Variants in FRZB observed in about 807,000 individuals in gnomAD.
FRZB encodes frizzled related protein.
FRZB carries 34 observed loss-of-function variants against 32.5 expected under a neutral mutation model. That is an observed-to-expected ratio of 1.05 (90% CI 0.80 to 1.39). The LOEUF (loss-of-function observed/expected upper bound fraction) is 1.39, where lower values mean the gene tolerates loss of function less well. Among genes scored for constraint, FRZB ranks in the 40% most tolerant of loss-of-function variants. The pLI is 0.00. For synonymous variants in FRZB, 170 were observed against 159.2 expected, an observed-to-expected ratio of 1.07 and a Z score of -0.51; for missense variants, 423 against 424.8, an observed-to-expected ratio of 1.00 and a Z score of 0.04.
At chr2:182,839,793 T>C (rs550225620) in intron 3 of FRZB, among the ~76,000 whole-genome samples, 51 of 152,156 alleles carry the variant, frequency 3.4e-4, no homozygotes, top group South Asian at 2.5e-3. Flanking sequence ...TCCATGGACA[T>C]TATATAGAGG....
At chr2:182,856,852 T>A in intron 2 of FRZB, among the ~76,000 whole-genome samples, 2 of 146,570 alleles carry the variant, frequency 1.4e-5, no homozygotes, top group Admixed American at 6.8e-5. Context: ...AATAGAAAAA[T>A]CCACAATATT....
chr2:182,861,782 G>C (rs565265122), intron 1 of FRZB, among the ~76,000 whole-genome samples: 1 of 152,266 alleles, frequency 6.6e-6, no homozygotes, highest in South Asian at 2.1e-4. Context: ...AGTCAGTTTT[G>C]CAATTTGTAG....
chr2:182,860,100 T>C (rs1695814544), intron 1 of FRZB, among the ~76,000 whole-genome samples: 1 of 152,186 alleles, frequency 6.6e-6, no homozygotes, highest in South Asian at 2.1e-4. Flanking sequence ...AATAAAACTT[T>C]GCTTGGTGAA....
chr2:182,864,509 T>G (rs1695869204), intron 1 of FRZB, among the ~76,000 whole-genome samples: 2 of 152,178 alleles, frequency 1.3e-5, no homozygotes, highest in African/African-American at 4.8e-5. Context: ...CAAATACATT[T>G]CTGTGATGAT....
intron 5 of FRZB, among the ~76,000 whole-genome samples, chr2:182,836,762 T>C (rs1695530090): frequency 6.6e-6 from 1 of 152,042 alleles, no homozygotes; most frequent in South Asian, 2.1e-4. Context: ...CAAGAGCCAC[T>C]TTTTTCTTTA....
intron 2 of FRZB, 57 bp from the exon 3 acceptor site, chr2:182,842,600 G>A (rs1695598446): frequency 7.1e-7 from 1 of 1,404,852 alleles, no homozygotes; most frequent in African/African-American, 1.4e-5. Context: ...CTTTTGTTTT[G>A]CTCAGACTCA....
At position 182,833,889 on chromosome 2, in the gene FRZB, A is replaced by C. The variant is rs1695494264; in HGVS notation, c.*960T>G. On this transcript the variant is annotated 3_prime_UTR_variant, in exon 6 of 6. Transcript: ENST00000295113. ...AACCTGCATATTTTATCACTCTGTA[A>C]TCTACAGCATTTTTATGGAGCCATG... The C allele has an allele frequency of 6.6e-6, 1 of 152,146 alleles. No homozygotes were observed. The highest frequency in any genetic ancestry group is 2.1e-4 in the South Asian group (1 of 4,832). The allele number at this position is 152,146 out of a possible 1,614,324, so 9.4% of individuals were successfully genotyped here.
chr2:182,854,288 G>T (rs1695742375), intron 2 of FRZB, among the ~76,000 whole-genome samples: 1 of 152,076 alleles, frequency 6.6e-6, no homozygotes, highest in Non-Finnish European at 1.5e-5. Flanking sequence ...TTATTTTATG[G>T]TAAGATGGAA....
At chr2:182,841,964 C>T (rs1320995932) in intron 3 of FRZB, among the ~76,000 whole-genome samples, 1 of 152,166 alleles carries the variant, frequency 6.6e-6, no homozygotes, top group African/African-American at 2.4e-5. Flanking sequence ...TTAAGTCAAG[C>T]TAGATAACAA....
intron 1 of FRZB, among the ~76,000 whole-genome samples, chr2:182,864,746 T>G (rs772305948): frequency 2.0e-5 from 3 of 152,184 alleles, no homozygotes; most frequent in Non-Finnish European, 4.4e-5. Context: ...AACTAAGAAT[T>G]ACTACCTGGA....
chr2:182,835,225 T>C (rs73977801), intron 5 of FRZB, among the ~76,000 whole-genome samples: 1,761 of 152,242 alleles, frequency 0.012, 42 homozygotes, highest in African/African-American at 0.04. Context: ...TGTCCATGTC[T>C]ATAAATGATG....
chr2:182,838,011 T>C lies in FRZB; in HGVS notation c.798A>G (p.Arg266=). ...IMGYEDEERS[R]LLLVEGSIAE... ...CTATAGAGCCTTCCACCAAGAGTAATCTGTATTTTTGAAAGAAGCAAACAT... is the reference window on the plus strand; with the variant it reads ...CTATAGAGCCTTCCACCAAGAGTAACCTGTATTTTTGAAAGAAGCAAACAT... The change falls in exon 5 of 6, where the codon AGA becomes AGG. Residue 266 remains arginine (R), a splice_region_variant and synonymous_variant. Transcript: ENST00000295113. 3.7e-6 allele frequency: 6 copies of C among 1,609,760 alleles called. No homozygotes were observed. The highest frequency in any genetic ancestry group is 5.1e-6 in the Non-Finnish European group (6 of 1,177,820).
At chr2:182,848,824 T>A (rs1240109334) in intron 2 of FRZB, among the ~76,000 whole-genome samples, 1 of 152,230 alleles carries the variant, frequency 6.6e-6, no homozygotes, top group Non-Finnish European at 1.5e-5. Flanking sequence ...GTGTACAGTA[T>A]GCTTCCATTT....
chr2:182,859,870 C>T (rs551454888), intron 1 of FRZB, among the ~76,000 whole-genome samples: 1 of 152,174 alleles, frequency 6.6e-6, no homozygotes, highest in Admixed American at 6.5e-5. Flanking sequence ...ACATTTGGCT[C>T]AACTTGGGCA....
rs570770888 is a variant in FRZB at position 182,841,987 on chromosome 2, G to A, written c.592+491C>T. Among the ~76,000 whole-genome samples, 20 of 152,190 alleles carry A rather than the reference G, an allele frequency of 1.3e-4. No individual in the cohort carries two copies. In the South Asian group the frequency reaches 3.7e-3, roughly 28 times the overall value. On this transcript the variant is annotated intron_variant, in intron 3 of 5. Coordinates refer to ENST00000295113, the MANE Select transcript of FRZB (RefSeq NM_001463.4). ...AGCTAGATAACAACACATTTCCTTC[G>A]CTGAATACCAGCAACTTCTACAAGT...
Position 182,834,309 on chromosome 2 carries a change from G to A in FRZB, c.*540C>T, listed in dbSNP as rs1419602391. The stretch of plus-strand genomic sequence containing the variant: ...CATAAACACTTCCTGGTGCTTGATT[G>A]CTTTGCCTATGTGACATTTGACTTC... On this transcript the variant is annotated 3_prime_UTR_variant, in exon 6 of 6. Transcript: ENST00000295113. The A allele has an allele frequency of 6.6e-6, 1 of 152,552 alleles. No homozygotes were observed. The highest frequency in any genetic ancestry group is 1.5e-5 in the Non-Finnish European group (1 of 68,342). The allele number at this position is 152,552 out of a possible 1,614,324, so 9.4% of individuals were successfully genotyped here.
chr2:182,857,967 A>G (rs1695789679), intron 2 of FRZB, among the ~76,000 whole-genome samples: 1 of 152,202 alleles, frequency 6.6e-6, no homozygotes, highest in Admixed American at 6.5e-5. Flanking sequence ...ATTATCACAT[A>G]CCTATTAAAA....
Position 182,866,527 on chromosome 2 carries a change from A to ATCCC in FRZB, c.22_25dup (p.Met9ArgfsTer29), listed in dbSNP as rs1160706695. On this transcript the variant is annotated frameshift_variant, in exon 1 of 6. Transcript: ENST00000295113. LOFTEE classifies it high-confidence loss of function. The surrounding 1 kb of genome is among the most constrained non-coding windows in gnomAD (Gnocchi z 4.5). ...AAGCAGCCCGGCCCGCAGCAGCAGC[A>ATCCC]TCCCTCCCGGGCTGCCGCAGACCAT... 1 of 1,480,278 alleles carries ATCCC rather than the reference A, an allele frequency of 6.8e-7. No individual in the cohort carries two copies. The highest frequency in any genetic ancestry group is 2.3e-5 in the Admixed American group (1 of 43,136). 91.7% of individuals were successfully genotyped at this position (1,480,278 alleles called of 1,614,324 possible).
Position 182,835,057 on chromosome 2 carries a change from A to T in FRZB, c.862-92T>A, listed in dbSNP as rs931770515. 1.4e-5 allele frequency: 12 copies of T among 878,882 alleles called. No individual in the cohort carries two copies. In the African/African-American group the frequency reaches 1.8e-4, roughly 13 times the overall value. 54.4% of individuals were successfully genotyped at this position (878,882 alleles called of 1,614,324 possible). A position where few individuals can be genotyped will look rare whatever the true frequency, so the allele number is the denominator to read the frequency against. ...AACAACTGGGTCAGACTGCAAGTTC[A>T]GATCTCTGAAGCATTTTGCTACTTT... On this transcript the variant is annotated intron_variant, in intron 5 of 5. Coordinates refer to ENST00000295113, the MANE Select transcript of FRZB (RefSeq NM_001463.4).
Sources: allele counts gnomAD v4.1 joint callset (sites outside exome capture counted in the v4.1 genomes callset), GRCh38; gene constraint gnomAD v4.1.1; non-coding constraint Gnocchi (gnomAD v3.1); transcripts MANE v1.5; gene names NCBI Gene and HGNC (gene_info 2026-07-23, HGNC 2026-07-21).